ANXA10: variants seen among roughly 807,000 people sequenced by gnomAD.
The protein encoded by ANXA10 is annexin A10.
In ANXA10, 49 loss-of-function variants were observed where a neutral mutation model predicts 53.5. The ratio of observed to expected loss-of-function variants is 0.92; its 90% CI spans 0.73 to 1.16. The LOEUF (loss-of-function observed/expected upper bound fraction) is 1.16, where lower values mean the gene tolerates loss of function less well. Ranked by LOEUF, ANXA10 falls within the 50% of genes most tolerant of loss-of-function variation. The probability of loss-of-function intolerance (pLI) is 0.00; values close to 1 mark genes in which losing one functional copy is unlikely to be tolerated. For missense variants in ANXA10, 393 were observed against 394.4 expected (o/e 1.00, Z 0.03); for synonymous variants, 131 against 128.9 (o/e 1.02, Z -0.11).
intron 1 of ANXA10, among the ~76,000 whole-genome samples, chr4:168,110,911 G>T (rs1423677270): frequency 6.6e-6 from 1 of 152,092 alleles, no homozygotes; most frequent in East Asian, 1.9e-4. Context: ...GAAAGTAAAA[G>T]GTAATCTAAA....
At chr4:168,142,876 GC>G (rs1392208595) in intron 3 of ANXA10, among the ~76,000 whole-genome samples, 2 of 152,044 alleles carry the variant, frequency 1.3e-5, no homozygotes, top group Non-Finnish European at 2.9e-5. Flanking sequence ...ACTGGGTTGT[GC>G]TGGTTCACTT....
At chr4:168,111,582 C>G (rs1730807449) in intron 1 of ANXA10, among the ~76,000 whole-genome samples, 1 of 152,100 alleles carries the variant, frequency 6.6e-6, no homozygotes, top group Admixed American at 6.6e-5. Context: ...AGCCACTGGC[C>G]TTGTATAAAT....
intron 11 of ANXA10, among the ~76,000 whole-genome samples, chr4:168,186,411 AAAG>A (rs1281000969): frequency 6.6e-6 from 1 of 152,142 alleles, no homozygotes; most frequent in Non-Finnish European, 1.5e-5. Context: ...TTCTAACCCC[AAAG>A]AAGTGATGAT....
chr4:168,096,926 A>ATATATGTGTGTATATATATATATATATG (rs371811709), intron 1 of ANXA10, among the ~76,000 whole-genome samples: 2 of 129,902 alleles, frequency 1.5e-5, no homozygotes, highest in Non-Finnish European at 3.2e-5. Context: ...ATATATATAT[A>ATATATGTGTGTATATATATATATATATG]TATGTATGTA....
intron 1 of ANXA10, among the ~76,000 whole-genome samples, chr4:168,108,666 A>C (rs1730755035): frequency 6.7e-6 from 1 of 149,568 alleles, no homozygotes; most frequent in Non-Finnish European, 1.5e-5. Context: ...TTATGTCCCA[A>C]TAAACTCTGG....
chr4:168,115,264 T>A (rs1730874452), intron 1 of ANXA10, among the ~76,000 whole-genome samples: 1 of 152,148 alleles, frequency 6.6e-6, no homozygotes, highest in African/African-American at 2.4e-5. Context: ...AACCCTATCA[T>A]GGGGAAAACC....
At chr4:168,127,413 A>G (rs1162588969) in intron 1 of ANXA10, among the ~76,000 whole-genome samples, 1 of 152,126 alleles carries the variant, frequency 6.6e-6, no homozygotes, top group Non-Finnish European at 1.5e-5. Context: ...TGTTTTTCTA[A>G]TATGATTTTA....
intron 9 of ANXA10, among the ~76,000 whole-genome samples, chr4:168,180,758 T>C (rs1470782808): frequency 6.6e-6 from 1 of 152,244 alleles, no homozygotes; most frequent in African/African-American, 2.4e-5. Context: ...CTAGAAATTA[T>C]AGCCTCTCAT....
Position 168,144,129 on chromosome 4 carries a change from G to C in ANXA10, c.195+4549G>C, listed in dbSNP as rs72691178. ...AAGGCAATCCTGAATGCCTTCTAAGGCCAAAATGGTGTAATTAAGTGTCCT... is the reference window on the plus strand; with the variant it reads ...AAGGCAATCCTGAATGCCTTCTAAGCCCAAAATGGTGTAATTAAGTGTCCT... On this transcript the variant is annotated intron_variant, in intron 3 of 11. Transcript: ENST00000359299. Among the ~76,000 whole-genome samples the C allele has an allele frequency of 2.5e-3, 384 of 152,102 alleles. 1 individual carries two copies. Among genetic ancestry groups the C allele is most frequent in the Non-Finnish European group, 3.8e-3 (259 of 68,006 alleles).
chr4:168,154,784 T>C (rs1036169137), intron 3 of ANXA10, among the ~76,000 whole-genome samples: 1 of 152,186 alleles, frequency 6.6e-6, no homozygotes, highest in Non-Finnish European at 1.5e-5. Context: ...GTGTGCCTGA[T>C]TTTCTTATCT....
intron 6 of ANXA10, among the ~76,000 whole-genome samples, chr4:168,174,569 G>A (rs1732081150): frequency 6.6e-6 from 1 of 152,352 alleles, no homozygotes; most frequent in South Asian, 2.1e-4. Context: ...GGTACCTCCT[G>A]CCACAAGCCC....
chr4:168,166,423 A>T (rs1482667390), intron 6 of ANXA10, among the ~76,000 whole-genome samples: 2 of 152,238 alleles, frequency 1.3e-5, no homozygotes, highest in Non-Finnish European at 2.9e-5. Flanking sequence ...GCATTGTAAT[A>T]CAAATAATAT....
intron 1 of ANXA10, among the ~76,000 whole-genome samples, chr4:168,124,656 T>A (rs1467726953): frequency 6.6e-6 from 1 of 152,108 alleles, no homozygotes; most frequent in Non-Finnish European, 1.5e-5. Flanking sequence ...CTTTTTTGAG[T>A]GGGCAAGAAT....
chr4:168,162,447 T>A, intron 3 of ANXA10, 81 bp from the exon 4 acceptor site: 1 of 968,980 alleles, frequency 1.0e-6, no homozygotes, highest in South Asian at 1.4e-5. Flanking sequence ...AAAGAAAATA[T>A]TAAAAGACTT....
At chr4:168,093,211 TA>T (rs925088315) in intron 1 of ANXA10, among the ~76,000 whole-genome samples, 2 of 152,156 alleles carry the variant, frequency 1.3e-5, no homozygotes, top group Non-Finnish European at 2.9e-5. Context: ...CTTCTATCTA[TA>T]AAAAATTAAA....
intron 1 of ANXA10, among the ~76,000 whole-genome samples, chr4:168,102,625 ATTTG>A (rs1364634658): frequency 6.6e-6 from 1 of 152,066 alleles, no homozygotes; most frequent in Admixed American, 6.6e-5. Context: ...ATGTACCACA[ATTTG>A]TTTATCTGTT....
chr4:168,136,514 C>T (rs1474544805), intron 2 of ANXA10, among the ~76,000 whole-genome samples: 1 of 152,168 alleles, frequency 6.6e-6, no homozygotes, highest in Non-Finnish European at 1.5e-5. Flanking sequence ...CCTATGCAAG[C>T]CTGAAACTTA....
rs141272207 is a variant in ANXA10 at position 168,113,693 on chromosome 4, T to C, written c.19-14391T>C. Among the ~76,000 whole-genome samples the C allele has an allele frequency of 1.6e-4, 24 of 152,336 alleles. No homozygotes were observed. In the East Asian group the frequency reaches 4.6e-3, roughly 29 times the overall value. ...CTTGATAATTAGGTTTTATTATAGA[T>C]ATTGGAAAAGACACCACATTCAAAC... On this transcript the variant is annotated intron_variant, in intron 1 of 11. Transcript: ENST00000359299.
chr4:168,186,858 C>T (rs745935161), intron 11 of ANXA10, among the ~76,000 whole-genome samples: 7 of 152,022 alleles, frequency 4.6e-5, no homozygotes, highest in African/African-American at 7.2e-5. Context: ...CTCAGTTTTT[C>T]ACTATTATAC....
Sources: allele counts gnomAD v4.1 joint callset (sites outside exome capture counted in the v4.1 genomes callset), GRCh38; gene constraint gnomAD v4.1.1; transcripts MANE v1.5; gene names NCBI Gene and HGNC (gene_info 2026-07-23, HGNC 2026-07-21).